Variants in ABCC8 observed in about 807,000 individuals in gnomAD.
ABCC8 encodes the protein ATP-binding cassette sub-family C member 8.
In ABCC8, 137 loss-of-function variants were observed where a neutral mutation model predicts 188.0. That is an observed-to-expected ratio of 0.73 (90% CI 0.63 to 0.84). The LOEUF (loss-of-function observed/expected upper bound fraction) is 0.84, where lower values mean the gene tolerates loss of function less well. Ranked by LOEUF, ABCC8 falls within the 40% of genes least tolerant of loss-of-function variation. The probability of loss-of-function intolerance (pLI) is 0.00; values close to 1 mark genes in which losing one functional copy is unlikely to be tolerated. For missense variants in ABCC8, 1,750 were observed against 2,072.7 expected (o/e 0.84, Z 3.02); for synonymous variants, 797 against 846.5 (o/e 0.94, Z 1.01).
At chr11:17,400,272 T>C (rs968643432) in intron 29 of ABCC8, among the ~76,000 whole-genome samples, 8 of 152,036 alleles carry the variant, frequency 5.3e-5, no homozygotes, top group Non-Finnish European at 7.4e-5. Context: ...CTGCAGTGAG[T>C]GTGAAACCAT....
intron 20 of ABCC8, 117 bp downstream of exon 20, chr11:17,413,277 C>T: frequency 1.3e-6 from 2 of 1,481,560 alleles, no homozygotes; most frequent in Admixed American, 3.4e-5. Flanking sequence ...CTGCAGGCAA[C>T]TCTTCAGCCT....
chr11:17,433,520 C>G (rs1281051193), intron 10 of ABCC8, among the ~76,000 whole-genome samples: 5 of 152,246 alleles, frequency 3.3e-5, no homozygotes, highest in African/African-American at 1.2e-4. Context: ...AGATGTGGTC[C>G]CCAACTTCAG....
intron 7 of ABCC8, among the ~76,000 whole-genome samples, chr11:17,450,304 T>C (rs867047701): frequency 7.2e-6 from 1 of 138,616 alleles, no homozygotes; most frequent in Non-Finnish European, 1.5e-5. Context: ...CTTTCTTTCT[T>C]TCTTTCTTTC....
chr11:17,446,850 A>G (rs998120199), intron 8 of ABCC8, among the ~76,000 whole-genome samples: 4 of 152,184 alleles, frequency 2.6e-5, no homozygotes, highest in Non-Finnish European at 5.9e-5. Context: ...CTTTACAAGT[A>G]AGGAGGACCA....
chr11:17,410,258 C>G, intron 22 of ABCC8: 1 of 488,114 alleles, frequency 2.0e-6, no homozygotes, highest in South Asian at 2.9e-5. Flanking sequence ...CCTGAGACTT[C>G]TTGGTGCCAG....
chr11:17,403,789 T>C (rs1453665658), intron 28 of ABCC8, among the ~76,000 whole-genome samples: 1 of 152,238 alleles, frequency 6.6e-6, no homozygotes, highest in East Asian at 1.9e-4. Context: ...CTGATGTTTT[T>C]TTCATTTTTA....
In ABCC8 at chr11:17,470,121, T is replaced by C. The variant is rs76030764; in HGVS notation, c.392A>G (p.Asn131Ser). ...VVYYHNIETS[N>S]FPKLLIALLV... ...CCTACCAATTAGCAGCTTGGGGAAG[T>C]TGGAAGTCTCGATGTTGTGATAGTA... The change falls in exon 3 of 39, where the codon AAC becomes AGC. Residue 131 changes from asparagine to serine, a missense_variant. Coordinates refer to ENST00000389817, the MANE Select transcript of ABCC8 (RefSeq NM_000352.6). 5 of 1,614,080 alleles carry C rather than the reference T, an allele frequency of 3.1e-6. No homozygotes were observed. The highest frequency in any genetic ancestry group is 4.5e-5 in the East Asian group (2 of 44,850).
chr11:17,400,272 T>G (rs968643432), intron 29 of ABCC8, among the ~76,000 whole-genome samples: 4 of 152,036 alleles, frequency 2.6e-5, no homozygotes, highest in Admixed American at 1.3e-4. Context: ...CTGCAGTGAG[T>G]GTGAAACCAT....
chr11:17,395,385 G>A (rs561183913), intron 35 of ABCC8, 110 bp from the exon 36 acceptor site: 1 of 1,537,954 alleles, frequency 6.5e-7, no homozygotes, highest in African/African-American at 1.4e-5. Flanking sequence ...GGTCTGGCTG[G>A]GAGAAGCACC....
intron 19 of ABCC8, 127 bp from the exon 20 acceptor site, chr11:17,413,605 G>A (rs1449448310): frequency 5.7e-6 from 9 of 1,582,590 alleles, no homozygotes; most frequent in Admixed American, 3.5e-5. Context: ...TAGGCCTCCC[G>A]CTTGGGTGCA....
rs1013254553 is a variant in ABCC8, at chr11:17,451,087, C to T, written c.1176+2032G>A. Among the ~76,000 whole-genome samples, 11 of 152,112 alleles carry T rather than the reference C, an allele frequency of 7.2e-5. 1 individual carries two copies. Among genetic ancestry groups the T allele is most frequent in the African/African-American group, 1.2e-4 (5 of 41,410 alleles). On this transcript the variant is annotated intron_variant, in intron 7 of 38. Coordinates refer to ENST00000389817, the MANE Select transcript of ABCC8 (RefSeq NM_000352.6). ...AAAGATTCAAGCAATTTGATAAAAA[C>T]GATTATATGCTAACCATTAAAAAAC...
intron 30 of ABCC8, 44 bp from the exon 31 acceptor site, chr11:17,397,841 C>T (rs1472361797): frequency 1.2e-6 from 2 of 1,608,128 alleles, no homozygotes; most frequent in Non-Finnish European, 1.7e-6. Context: ...GGGGTTAGAG[C>T]CACAGGCCCC....
chr11:17,455,446 G>A (rs190761113), intron 6 of ABCC8, among the ~76,000 whole-genome samples: 1 of 152,274 alleles, frequency 6.6e-6, no homozygotes, highest in East Asian at 1.9e-4. Context: ...TCTAAAGGCT[G>A]CAAAACCTTT....
intron 4 of ABCC8, 148 bp downstream of exon 4, chr11:17,463,290 C>T (rs1157564494): frequency 1.2e-5 from 8 of 687,972 alleles, no homozygotes; most frequent in Admixed American, 5.2e-5. Context: ...ATTTCCGCCA[C>T]GGCCCCACTC....
At chr11:17,431,123 TG>T (rs1341989546) in intron 11 of ABCC8, 164 bp from the exon 12 acceptor site, 2 of 1,182,840 alleles carry the variant, frequency 1.7e-6, no homozygotes, top group African/African-American at 3.1e-5. Flanking sequence ...AGTCATCTCA[TG>T]GAAACGTCCC....
intron 11 of ABCC8, among the ~76,000 whole-genome samples, chr11:17,431,331 T>G (rs1159154826): frequency 6.6e-6 from 1 of 152,196 alleles, no homozygotes; most frequent in African/African-American, 2.4e-5. Context: ...AACAGAGTGA[T>G]TACGAAACTG....
chr11:17,423,083 G>A (rs979554869), intron 16 of ABCC8, among the ~76,000 whole-genome samples: 3 of 152,026 alleles, frequency 2.0e-5, no homozygotes, highest in Admixed American at 6.6e-5. Flanking sequence ...GGCCGGCCAG[G>A]GGTGGTGGCT....
chr11:17,446,327 G>C lies in ABCC8; in HGVS notation c.1332+2189C>G, dbSNP rs187113273. ...AACAGAAAGTGTCTTGTAGCCTTTT[G>C]AATGCTGTGTACATGTTAGGATCCT... is the stretch of plus-strand genomic sequence containing the variant. On this transcript the variant is annotated intron_variant, in intron 8 of 38. Coordinates refer to ENST00000389817, the MANE Select transcript of ABCC8 (RefSeq NM_000352.6). Among the ~76,000 whole-genome samples the C allele has an allele frequency of 2.6e-5, 4 of 152,208 alleles. No individual in the cohort carries two copies. The East Asian group carries it at 7.7e-4, about 29-fold the overall frequency.
chr11:17,428,298 G>A lies in ABCC8; in HGVS notation c.2031C>T (p.Cys677=), dbSNP rs1955681356. 3 of 1,614,168 alleles carry A rather than the reference G, an allele frequency of 1.9e-6. No homozygotes were observed. In the South Asian group the frequency reaches 3.3e-5, roughly 18 times the overall value. Residue 677 remains cysteine, a synonymous_variant, in exon 14 of 39, where the codon TGC becomes TGT. Coordinates refer to ENST00000389817, the MANE Select transcript of ABCC8 (RefSeq NM_000352.6). ...GGGCAGCAGGACTCACCTGGACACA[G>A]CAGTTGTCAGCATCGCCATCTGCAC... The part of the protein sequence containing the change: ...VPSADGDADN[C]CVQIMGGYFT...
Sources: allele counts gnomAD v4.1 joint callset (sites outside exome capture counted in the v4.1 genomes callset), GRCh38; gene constraint gnomAD v4.1.1; transcripts MANE v1.5; gene names NCBI Gene and HGNC (gene_info 2026-07-23, HGNC 2026-07-21).